Variants in FABP6 observed in about 807,000 individuals in gnomAD.
FABP6 encodes gastrotropin.
FABP6 carries 13 observed loss-of-function variants against 14.9 expected under a neutral mutation model. That is an observed-to-expected ratio of 0.87 (90% CI 0.57 to 1.39). The LOEUF is 1.39. Ranked by LOEUF, FABP6 falls within the 40% of genes most tolerant of loss-of-function variation. The pLI is 0.00. For synonymous variants in FABP6, 75 were observed against 63.6 expected, an observed-to-expected ratio of 1.18 and a Z score of -0.85; for missense variants, 161 against 167.2, an observed-to-expected ratio of 0.96 and a Z score of 0.20.
intron 2 of FABP6, among the ~76,000 whole-genome samples, chr5:160,203,222 A>G (rs1714290404): frequency 6.6e-6 from 1 of 152,174 alleles, no homozygotes; most frequent in Non-Finnish European, 1.5e-5. Flanking sequence ...CTTCATAGGC[A>G]GAAAAATGTT....
At chr5:160,236,973 T>C (rs1013687250) in intron 3 of FABP6, among the ~76,000 whole-genome samples, 6 of 151,822 alleles carry the variant, frequency 4.0e-5, no homozygotes, top group African/African-American at 1.5e-4. Context: ...AGCAAAACTC[T>C]GTCTCAAAAA....
chr5:160,218,461 C>CTTT (rs10692189), intron 3 of FABP6, among the ~76,000 whole-genome samples: 28,418 of 116,248 alleles, frequency 0.24, 5,107 homozygotes, highest in African/African-American at 0.31. Context: ...TAGTCTTTGA[C>CTTT]TTTTTTTTTT....
chr5:160,216,059 C>A (rs1028269240), intron 3 of FABP6, among the ~76,000 whole-genome samples: 1 of 152,134 alleles, frequency 6.6e-6, no homozygotes, highest in Admixed American at 6.5e-5. Flanking sequence ...AGTAGGGATA[C>A]ATCCATGGGC....
At chr5:160,211,165 T>G (rs775442998) in intron 2 of FABP6, among the ~76,000 whole-genome samples, 1 of 152,174 alleles carries the variant, frequency 6.6e-6, no homozygotes, top group Non-Finnish European at 1.5e-5. Context: ...TGGGCACTTA[T>G]GTTCTTGCCT....
At chr5:160,207,443 TTTTG>T (rs1197263928) in intron 2 of FABP6, among the ~76,000 whole-genome samples, 1 of 152,248 alleles carries the variant, frequency 6.6e-6, no homozygotes, top group African/African-American at 2.4e-5. Flanking sequence ...ATTACCCTTC[TTTTG>T]TTTCTTTTTT....
chr5:160,230,727 C>A (rs910124347), intron 1 of FABP6, among the ~76,000 whole-genome samples: 1 of 152,164 alleles, frequency 6.6e-6, no homozygotes, highest in Admixed American at 6.5e-5. Context: ...GGGGACTCAG[C>A]GTGACTTGCC....
At chr5:160,208,829 T>C (rs1341386531) in intron 2 of FABP6, among the ~76,000 whole-genome samples, 2 of 149,314 alleles carry the variant, frequency 1.3e-5, no homozygotes, top group African/African-American at 4.9e-5. Context: ...CAGGCTGGAG[T>C]GCAGTGGTGT....
chr5:160,220,172 G>A (rs559403272), intron 3 of FABP6, among the ~76,000 whole-genome samples: 2 of 152,338 alleles, frequency 1.3e-5, no homozygotes, highest in East Asian at 3.9e-4. Context: ...CAGCTAGGCT[G>A]GACGAATTGC....
At chr5:160,231,536 G>C (rs1421266566) in intron 1 of FABP6, among the ~76,000 whole-genome samples, 1 of 152,122 alleles carries the variant, frequency 6.6e-6, no homozygotes, top group African/African-American at 2.4e-5. Flanking sequence ...CAGTATTACA[G>C]GCACCTGCCA....
At chr5:160,221,838 A>G (rs920334687) in intron 3 of FABP6, among the ~76,000 whole-genome samples, 4 of 152,190 alleles carry the variant, frequency 2.6e-5, no homozygotes, top group Non-Finnish European at 5.9e-5. Flanking sequence ...AACCAGTAGG[A>G]AAAAAGGATA....
chr5:160,229,515 TCTC>T lies in FABP6; in HGVS notation c.-39_-37del. On this transcript the variant is annotated 5_prime_UTR_variant, in exon 1 of 4. Coordinates refer to ENST00000402432, the MANE Select transcript of FABP6 (RefSeq NM_001445.3). ...TAGCAGACCCCTCAGCACCACCCAT[TCTC>T]CTCATCCCTCTGCTCTCTGGCCTCC... 4 of 1,613,340 alleles carry T rather than the reference TCTC, an allele frequency of 2.5e-6. No homozygotes were observed. The highest frequency in any genetic ancestry group is 2.2e-5 in the East Asian group (1 of 44,864).
intron 3 of FABP6, among the ~76,000 whole-genome samples, chr5:160,214,829 A>G (rs1177249270): frequency 6.6e-6 from 1 of 151,936 alleles, no homozygotes; most frequent in Non-Finnish European, 1.5e-5. Flanking sequence ...CATCAACTCA[A>G]CTCAAAAGTG....
chr5:160,212,542 C>T (rs562691364), intron 2 of FABP6, among the ~76,000 whole-genome samples: 2 of 152,162 alleles, frequency 1.3e-5, no homozygotes, highest in African/African-American at 4.8e-5. Context: ...GATCTCCGCT[C>T]ACTGCAAGCT....
At chr5:160,208,682 C>G (rs184106471) in intron 2 of FABP6, among the ~76,000 whole-genome samples, 1 of 152,292 alleles carries the variant, frequency 6.6e-6, no homozygotes, top group East Asian at 1.9e-4. Context: ...AATCTCAGAA[C>G]TTTGGGAGGC....
chr5:160,237,978 G>T (rs989977585), intron 3 of FABP6, among the ~76,000 whole-genome samples: 1 of 151,972 alleles, frequency 6.6e-6, no homozygotes, highest in East Asian at 1.9e-4. Flanking sequence ...TTTGCTACCC[G>T]CCCTTCTCAT....
At chr5:160,205,266 C>T (rs907068248) in intron 2 of FABP6, among the ~76,000 whole-genome samples, 3 of 134,346 alleles carry the variant, frequency 2.2e-5, no homozygotes, top group South Asian at 2.3e-4. Context: ...TGCAGTGAGC[C>T]GAGATCGCAC....
At chr5:160,230,241 T>C (rs1020221407) in intron 1 of FABP6, among the ~76,000 whole-genome samples, 2 of 152,154 alleles carry the variant, frequency 1.3e-5, no homozygotes, top group Admixed American at 6.5e-5. Flanking sequence ...ACTTTACTGA[T>C]GGAAAACTTG....
rs561633724 is a variant in FABP6 at position 160,212,625 on chromosome 5, C to T, written c.52-1111C>T. 1.5e-3 allele frequency among the ~76,000 whole-genome samples: 224 copies of T among 152,098 alleles called. 3 individuals carry two copies. Among genetic ancestry groups the T allele is most frequent in the African/African-American group, 5.1e-3 (213 of 41,520 alleles). ...ATGGGACTACAGGCACCCACCACCACGCCTGGCTAATTTTTTTGTATTTTT... is the reference window on the plus strand; with the variant it reads ...ATGGGACTACAGGCACCCACCACCATGCCTGGCTAATTTTTTTGTATTTTT... On this transcript the variant is annotated intron_variant, in intron 2 of 6. Coordinates refer to the FABP6 transcript ENST00000393980.
At chr5:160,210,867 T>C (rs1292404070) in intron 2 of FABP6, among the ~76,000 whole-genome samples, 2 of 152,182 alleles carry the variant, frequency 1.3e-5, no homozygotes. Flanking sequence ...CATTAGAAAT[T>C]CATTAGGAAT....
Sources: allele counts gnomAD v4.1 joint callset (sites outside exome capture counted in the v4.1 genomes callset), GRCh38; gene constraint gnomAD v4.1.1; transcripts MANE v1.5; gene names NCBI Gene and HGNC (gene_info 2026-07-23, HGNC 2026-07-21).